The following TMEM151A variants were observed in gnomAD, a reference collection of about 807,000 sequenced individuals.
The protein encoded by TMEM151A is transmembrane protein 151.
TMEM151A carries 21 observed loss-of-function variants against 33.7 expected under a neutral mutation model. That is an observed-to-expected ratio of 0.62 (90% confidence interval 0.44 to 0.90). The LOEUF (loss-of-function observed/expected upper bound fraction) is 0.90, where lower values mean the gene tolerates loss of function less well. TMEM151A is among the 40% of genes least tolerant of loss of function. The pLI is 0.00. For synonymous variants in TMEM151A, 374 were observed against 330.3 expected, an observed-to-expected ratio of 1.13 and a Z score of -1.43; for missense variants, 704 against 697.7, an observed-to-expected ratio of 1.01 and a Z score of -0.10.
Position 66,294,957 on chromosome 11 carries a change from G to C in TMEM151A, c.711G>C (p.Thr237=), listed in dbSNP as rs200841556. 3.2e-6 allele frequency: 5 copies of C among 1,564,056 alleles called. No individual in the cohort carries two copies. In the African/African-American group the frequency reaches 5.4e-5, roughly 17 times the overall value. The change falls in exon 2 of 2, where the codon ACG becomes ACC. Residue 237 remains threonine, a synonymous_variant. Transcript: ENST00000327259. ...CGGAGGCCGAGGCCTCGTACCTCAC[G>C]CAGCGGGCGCGCTTCTTCAGCGCCA... is the stretch of plus-strand genomic sequence containing the variant. ...GSAEAEASYL[T]QRARFFSANE... is the part of the protein sequence containing the mutation.
chr11:66,295,255 C>T lies in TMEM151A; in HGVS notation c.1009C>T (p.Arg337Cys), dbSNP rs1226078406. ...CGTGCCCAGCGGGCCCCCGCTGTCC[C>T]GCGTGGCCACAGTGGACTTCACTGA... ...GAVPSGPPLS[R>C]VATVDFTELE... Residue 337 changes from arginine to cysteine, a missense_variant, in exon 2 of 2, where the codon CGC (arginine) becomes TGC (cysteine). Physicochemically the swap from Arg to Cys is radical, Grantham distance 180. Coordinates refer to ENST00000327259, the MANE Select transcript of TMEM151A (RefSeq NM_153266.4). 27 of 1,561,122 alleles carry T rather than the reference C, an allele frequency of 1.7e-5. No homozygotes were observed. Among genetic ancestry groups the T allele is most frequent in the Non-Finnish European group, 2.2e-5 (25 of 1,153,682 alleles).
In TMEM151A at chr11:66,295,454, G is replaced by T. The variant is rs1253098881; in HGVS notation, c.1208G>T (p.Arg403Leu). 6.3e-6 allele frequency: 9 copies of T among 1,438,894 alleles called. No individual in the cohort carries two copies. The highest frequency in any genetic ancestry group is 3.0e-5 in the East Asian group (1 of 33,512). 89.1% of individuals were successfully genotyped at this position (1,438,894 alleles called of 1,614,324 possible). A position where few individuals can be genotyped will look rare whatever the true frequency, so the allele number is the denominator to read the frequency against. The change falls in exon 2 of 2, where the codon CGC (arginine) becomes CTC (leucine). Residue 403 changes from arginine (R) to leucine (L), a missense_variant. Physicochemically the swap from Arg to Leu is moderately radical, Grantham distance 102. Coordinates refer to ENST00000327259, the MANE Select transcript of TMEM151A (RefSeq NM_153266.4). ...AGCGGGCCCCGCCTGCCCTTCAGCC[G>T]CAGCCGCCTCTCGCTGGGCGCTGGC... ...RPSGPRLPFS[R>L]SRLSLGAGGR...
Position 66,296,603 on chromosome 11 carries a change from AG to A in TMEM151A, c.*954del, listed in dbSNP as rs1386781125. ...TCAACGAGGGCTTCCACGCCCTCTA[AG>A]GGGTGGCGGGGAAGGGAGGAGGCTG... On this transcript the variant is annotated 3_prime_UTR_variant, in exon 2 of 2. Transcript: ENST00000327259. The A allele has an allele frequency of 6.6e-6, 1 of 152,618 alleles. No homozygotes were observed. Among genetic ancestry groups the A allele is most frequent in the East Asian group, 1.9e-4 (1 of 5,174 alleles). The allele number at this position is 152,618 out of a possible 1,614,324, so 9.5% of individuals were successfully genotyped here. A position where few individuals can be genotyped will look rare whatever the true frequency, so the allele number is the denominator to read the frequency against.
intron 1 of TMEM151A, among the ~76,000 whole-genome samples, chr11:66,294,092 A>G (rs1009948274): frequency 1.3e-5 from 2 of 152,210 alleles, no homozygotes; most frequent in Non-Finnish European, 2.9e-5. Flanking sequence ...AGCACGGCAC[A>G]GTGGAGGATG....
Position 66,292,632 on chromosome 11 carries a change from C to T in TMEM151A, c.75+544C>T, listed in dbSNP as rs911255594. On this transcript the variant is annotated intron_variant, in intron 1 of 1. Coordinates refer to ENST00000327259, the MANE Select transcript of TMEM151A (RefSeq NM_153266.4). This position sits in a 1 kb window ranked among gnomAD's most constrained non-coding sequence, Gnocchi z 4.7. ...GCCCTAGCCAGGAAGGTCTGCAGGA[C>T]CTGGGGCCCCGAGTGATGTGTGGGG... Among the ~76,000 whole-genome samples the T allele has an allele frequency of 6.6e-6, 1 of 152,192 alleles. No individual in the cohort carries two copies. Among genetic ancestry groups the T allele is most frequent in the Non-Finnish European group, 1.5e-5 (1 of 68,026 alleles).
At position 66,295,225 on chromosome 11, in the gene TMEM151A, G is replaced by A. The variant is rs1857503467; in HGVS notation, c.979G>A (p.Gly327Arg). The A allele has an allele frequency of 6.4e-7, 1 of 1,566,816 alleles. No homozygotes were observed. The highest frequency in any genetic ancestry group is 8.6e-7 in the Non-Finnish European group (1 of 1,156,894). Residue 327 changes from glycine to arginine, a missense_variant, in exon 2 of 2, where the codon GGG (glycine) becomes AGG (arginine). By Grantham distance (125) the Gly-to-Arg change is moderately radical. Transcript: ENST00000327259. Reference sequence around the variant, plus strand: ...CTTTGGCGCCAGCTCGCCCCCGCCGGGGGCCGTGCCCAGCGGGCCCCCGCT... The same window carrying A: ...CTTTGGCGCCAGCTCGCCCCCGCCGAGGGCCGTGCCCAGCGGGCCCCCGCT... ...KLFGASSPPP[G>R]AVPSGPPLSR...
chr11:66,292,399 C>CA lies in TMEM151A; in HGVS notation c.75+312dup, dbSNP rs1208122910. 3.9e-5 allele frequency among the ~76,000 whole-genome samples: 6 copies of CA among 152,218 alleles called. No homozygotes were observed. The highest frequency in any genetic ancestry group is 5.9e-5 in the Non-Finnish European group (4 of 68,032). ...GCAGCGCAGCGGGGGATGCTGCCCC[C>CA]ACCCCCAGGGCCGCGGGGTCAGGTC... On this transcript the variant is annotated intron_variant, in intron 1 of 1. Transcript: ENST00000327259. This position sits in a 1 kb window ranked among gnomAD's most constrained non-coding sequence, Gnocchi z 4.7.
rs1419316331 is a variant in TMEM151A, at chr11:66,292,912, T to A, written c.75+824T>A. Among the ~76,000 whole-genome samples the A allele has an allele frequency of 6.6e-6, 1 of 151,934 alleles. No homozygotes were observed. Among genetic ancestry groups the A allele is most frequent in the Non-Finnish European group, 1.5e-5 (1 of 67,958 alleles). ...CAGTGGGGGGTGGGGAGATGTGCAC[T>A]GTGGTCAGGTGAAGGTCTGGTATGT... On this transcript the variant is annotated intron_variant, in intron 1 of 1. Coordinates refer to ENST00000327259, the MANE Select transcript of TMEM151A (RefSeq NM_153266.4). The surrounding 1 kb of genome is among the most constrained non-coding windows in gnomAD (Gnocchi z 4.7).
Position 66,295,461 on chromosome 11 carries a change from C to T in TMEM151A, c.1215C>T (p.Arg405=). 2 of 1,428,630 alleles carry T rather than the reference C, an allele frequency of 1.4e-6. No individual in the cohort carries two copies. The highest frequency in any genetic ancestry group is 9.1e-7 in the Non-Finnish European group (1 of 1,093,480). 88.5% of individuals were successfully genotyped at this position (1,428,630 alleles called of 1,614,324 possible). A position where few individuals can be genotyped will look rare whatever the true frequency, so the allele number is the denominator to read the frequency against. ...SGPRLPFSRS[R]LSLGAGGRAT... is the part of the protein sequence containing the mutation. The stretch of plus-strand genomic sequence containing the variant: ...CCCGCCTGCCCTTCAGCCGCAGCCG[C>T]CTCTCGCTGGGCGCTGGCGGCCGGG... Residue 405 remains arginine (R), a synonymous_variant, in exon 2 of 2, where the codon CGC becomes CGT. Coordinates refer to ENST00000327259, the MANE Select transcript of TMEM151A (RefSeq NM_153266.4).
In TMEM151A at chr11:66,292,404, C is replaced by T. The variant is rs1857465311; in HGVS notation, c.75+316C>T. On this transcript the variant is annotated intron_variant, in intron 1 of 1. Transcript: ENST00000327259. This position sits in a 1 kb window ranked among gnomAD's most constrained non-coding sequence, Gnocchi z 4.7. ...GCAGCGGGGGATGCTGCCCCCACCC[C>T]CAGGGCCGCGGGGTCAGGTCCCCAG... Among the ~76,000 whole-genome samples, 1 of 152,212 alleles carries T rather than the reference C, an allele frequency of 6.6e-6. No individual in the cohort carries two copies. The highest frequency in any genetic ancestry group is 2.4e-5 in the African/African-American group (1 of 41,462).
At chr11:66,293,582 C>T (rs1415766937) in intron 1 of TMEM151A, among the ~76,000 whole-genome samples, 3 of 152,116 alleles carry the variant, frequency 2.0e-5, no homozygotes, top group Admixed American at 1.3e-4. Flanking sequence ...ACTCGCACCT[C>T]CCCCGTTCTT....
At position 66,295,791 on chromosome 11, in the gene TMEM151A, G is replaced by A. The variant is rs1394064629; in HGVS notation, c.*138G>A. 2.5e-6 allele frequency: 2 copies of A among 796,420 alleles called. No individual in the cohort carries two copies. The highest frequency in any genetic ancestry group is 3.5e-6 in the Non-Finnish European group (2 of 573,202). 49.3% of individuals were successfully genotyped at this position (796,420 alleles called of 1,614,324 possible). Reference sequence around the variant, plus strand: ...GGCAGGGGTGAGGGTGGGGGTGGGGGTCCTTAAACAGACTAAAATGCAGTT... The same window carrying A: ...GGCAGGGGTGAGGGTGGGGGTGGGGATCCTTAAACAGACTAAAATGCAGTT... On this transcript the variant is annotated 3_prime_UTR_variant, in exon 2 of 2. Coordinates refer to ENST00000327259, the MANE Select transcript of TMEM151A (RefSeq NM_153266.4).
chr11:66,294,957 G>A lies in TMEM151A; in HGVS notation c.711G>A (p.Thr237=), dbSNP rs200841556. 5.1e-6 allele frequency: 8 copies of A among 1,564,056 alleles called. No homozygotes were observed. The highest frequency in any genetic ancestry group is 4.3e-6 in the Non-Finnish European group (5 of 1,162,000). Residue 237 remains threonine (T), a synonymous_variant, in exon 2 of 2, where the codon ACG becomes ACA. Coordinates refer to ENST00000327259, the MANE Select transcript of TMEM151A (RefSeq NM_153266.4). ...GSAEAEASYL[T]QRARFFSANE... is the part of the protein sequence containing the mutation. ...CGGAGGCCGAGGCCTCGTACCTCAC[G>A]CAGCGGGCGCGCTTCTTCAGCGCCA...
Position 66,294,837 on chromosome 11 carries a change from G to C in TMEM151A, c.591G>C (p.Ala197=). Residue 197 remains alanine, a synonymous_variant, in exon 2 of 2, where the codon GCG becomes GCC. Transcript: ENST00000327259. ...RTARGEFDYS[A]HGVRDVSKEL... ...CCCGCGGCGAGTTTGACTACTCGGC[G>C]CACGGCGTCCGCGACGTCTCCAAGG... is the stretch of plus-strand genomic sequence containing the variant. 1 of 1,539,300 alleles carries C rather than the reference G, an allele frequency of 6.5e-7. No homozygotes were observed. The highest frequency in any genetic ancestry group is 8.7e-7 in the Non-Finnish European group (1 of 1,145,808).
chr11:66,294,175 G>A, intron 1 of TMEM151A, 147 bp from the exon 2 acceptor site: 4 of 1,257,262 alleles, frequency 3.2e-6, no homozygotes, highest in Non-Finnish European at 4.3e-6. Flanking sequence ...GAAGCCTGGA[G>A]CAAGCTGCTC....
chr11:66,295,908 C>T lies in TMEM151A; in HGVS notation c.*255C>T, dbSNP rs1424027784. The T allele has an allele frequency of 2.6e-6, 1 of 377,760 alleles. No homozygotes were observed. 23.4% of individuals were successfully genotyped at this position (377,760 alleles called of 1,614,324 possible). A position where few individuals can be genotyped will look rare whatever the true frequency, so the allele number is the denominator to read the frequency against. On this transcript the variant is annotated 3_prime_UTR_variant, in exon 2 of 2. Transcript: ENST00000327259. ...ATGGCCGATGATCTGGCCTGAAGGC[C>T]TCTCACAAAGGGCAGGAGAAGAAGC...
chr11:66,295,481 G>T lies in TMEM151A; in HGVS notation c.1235G>T (p.Gly412Val). Residue 412 changes from glycine (G) to valine (V), a missense_variant, in exon 2 of 2, where the codon GGC becomes GTC. Coordinates refer to ENST00000327259, the MANE Select transcript of TMEM151A (RefSeq NM_153266.4). ...SRSRLSLGAG[G>V]RATPGVFRSL... ...AGCCGCCTCTCGCTGGGCGCTGGCGGCCGGGCCACGCCAGGGGTCTTCCGC... is the reference window on the plus strand; with the variant it reads ...AGCCGCCTCTCGCTGGGCGCTGGCGTCCGGGCCACGCCAGGGGTCTTCCGC... 1 of 1,396,730 alleles carries T rather than the reference G, an allele frequency of 7.2e-7. No homozygotes were observed. The highest frequency in any genetic ancestry group is 9.3e-7 in the Non-Finnish European group (1 of 1,078,002). The allele number at this position is 1,396,730 out of a possible 1,614,324, so 86.5% of individuals were successfully genotyped here. A position where few individuals can be genotyped will look rare whatever the true frequency, so the allele number is the denominator to read the frequency against.
Position 66,295,652 on chromosome 11 carries a change from G to C in TMEM151A, c.1406G>C (p.Ter469SerextTer41). 2 of 1,504,602 alleles carry C rather than the reference G, an allele frequency of 1.3e-6. No individual in the cohort carries two copies. Among genetic ancestry groups the C allele is most frequent in the Non-Finnish European group, 1.8e-6 (2 of 1,132,354 alleles). The allele number at this position is 1,504,602 out of a possible 1,614,324, so 93.2% of individuals were successfully genotyped here. The change falls in exon 2 of 2, where the codon TGA becomes TCA. Residue 469 changes from the stop codon to serine, a stop_lost. Transcript: ENST00000327259. ...GCQGDGQGAL[*>S] ...CAGGGGGATGGGCAGGGTGCTCTCT[G>C]AGACCCCCCACGGCCCCCAGAGTGG...
Position 66,294,598 on chromosome 11 carries a change from T to C in TMEM151A, c.352T>C (p.Trp118Arg), listed in dbSNP as rs1249646492. Residue 118 changes from tryptophan (W) to arginine (R), a missense_variant, in exon 2 of 2, where the codon TGG becomes CGG. Physicochemically the swap from Trp to Arg is moderately radical, Grantham distance 101 (BLOSUM62 -3). This residue lies in a region of TMEM151A where 301 missense variants were observed against 323.4 expected (regional missense o/e 0.93). Transcript: ENST00000327259. ...LLYLLYLAEC[W>R]HCHVRSCQAP... Reference sequence around the variant, plus strand: ...CTACCTCCTCTACCTGGCTGAGTGCTGGCACTGTCACGTGCGGTCCTGCCA... The same window carrying C: ...CTACCTCCTCTACCTGGCTGAGTGCCGGCACTGTCACGTGCGGTCCTGCCA... 6.2e-7 allele frequency: 1 copy of C among 1,612,780 alleles called. No individual in the cohort carries two copies. Among genetic ancestry groups the C allele is most frequent in the African/African-American group, 1.3e-5 (1 of 74,914 alleles).
Sources: allele counts gnomAD v4.1 joint callset (sites outside exome capture counted in the v4.1 genomes callset), GRCh38; gene constraint gnomAD v4.1.1; regional missense constraint gnomAD v4.1.1; non-coding constraint Gnocchi (gnomAD v3.1); transcripts MANE v1.5; gene names NCBI Gene and HGNC (gene_info 2026-07-23, HGNC 2026-07-21).